The following WWOX variants were observed in gnomAD, a reference collection of about 807,000 sequenced individuals.
WWOX encodes the protein WW domain containing oxidoreductase, also known as WW domain-containing oxidoreductase.
Under a neutral mutation model 46.2 loss-of-function variants are expected in WWOX, and 69 were observed. That is an observed-to-expected ratio of 1.49 (90% CI 1.23 to 1.82). The LOEUF is 1.82. WWOX is among the 40% of genes most tolerant of loss of function. The probability of loss-of-function intolerance (pLI) is 0.00; values close to 1 mark genes in which losing one functional copy is unlikely to be tolerated. For synonymous variants in WWOX, 359 were observed against 202.6 expected (o/e 1.77, Z -6.56); for missense variants, 919 against 542.6 (o/e 1.69, Z -6.89).
intron 4 of WWOX, among the ~76,000 whole-genome samples, chr16:78,163,048 T>C (rs887365007): frequency 6.6e-6 from 1 of 152,256 alleles, no homozygotes; most frequent in Non-Finnish European, 1.5e-5. Context: ...AATCACTGTT[T>C]CTGAATAACT....
chr16:78,207,707 G>A (rs1476417394), intron 5 of WWOX, among the ~76,000 whole-genome samples: 1 of 150,288 alleles, frequency 6.7e-6, no homozygotes, highest in Non-Finnish European at 1.5e-5. Flanking sequence ...GCTGCAGTGG[G>A]CTGTGATTGT....
At chr16:79,165,559 TG>T (rs2050577064) in intron 8 of WWOX, among the ~76,000 whole-genome samples, 1 of 152,230 alleles carries the variant, frequency 6.6e-6, no homozygotes. Context: ...TTGTTTCAGC[TG>T]GGGTGCAGTT....
chr16:79,118,772 C>A (rs1399448668), intron 8 of WWOX, among the ~76,000 whole-genome samples: 1 of 152,200 alleles, frequency 6.6e-6, no homozygotes, highest in Admixed American at 6.5e-5. Context: ...ACATAGAGAT[C>A]ATTGCCATAC....
At chr16:78,486,607 C>A (rs529686598) in intron 8 of WWOX, among the ~76,000 whole-genome samples, 1 of 132,392 alleles carries the variant, frequency 7.6e-6, no homozygotes, top group South Asian at 2.2e-4. Context: ...AACAGTCTCA[C>A]TCTGTCGCCC....
At chr16:78,470,399 A>G (rs926458994) in intron 8 of WWOX, among the ~76,000 whole-genome samples, 4 of 152,132 alleles carry the variant, frequency 2.6e-5, no homozygotes, top group African/African-American at 9.7e-5. Flanking sequence ...TTTCCCCCTC[A>G]AGATCTTTGT....
intron 5 of WWOX, among the ~76,000 whole-genome samples, chr16:78,385,077 T>G (rs1275788262): frequency 6.6e-6 from 1 of 150,874 alleles, no homozygotes. Flanking sequence ...GAGGTTGCAG[T>G]GAGCCAAGAT....
At chr16:78,890,926 G>A (rs1221419209) in intron 8 of WWOX, 2 of 152,110 alleles carry the variant, frequency 1.3e-5, no homozygotes, top group Admixed American at 1.3e-4. Context: ...TCATCAGGGG[G>A]AACAAACCTG....
chr16:78,116,026 T>G (rs1849500358), intron 4 of WWOX, among the ~76,000 whole-genome samples: 1 of 152,170 alleles, frequency 6.6e-6, no homozygotes, highest in Admixed American at 6.5e-5. Flanking sequence ...TTTGTGGGTA[T>G]ATAAAGGTGT....
Position 79,146,334 on chromosome 16 carries a change from G to A in WWOX, c.1057-65274G>A, listed in dbSNP as rs142752654. ...CCAGCAGAGCCTTCTTTGATGCCCCGTCTTCAACCTGCCATGTTTTCCCAT... is the reference window on the plus strand; with the variant it reads ...CCAGCAGAGCCTTCTTTGATGCCCCATCTTCAACCTGCCATGTTTTCCCAT... On this transcript the variant is annotated intron_variant, in intron 8 of 8. Coordinates refer to ENST00000566780, the MANE Select transcript of WWOX (RefSeq NM_016373.4). 3.0e-3 allele frequency among the ~76,000 whole-genome samples: 456 copies of A among 152,146 alleles called. 4 individuals are homozygous for A. The highest frequency in any genetic ancestry group is 1.0e-2 in the African/African-American group (413 of 41,502).
At chr16:78,702,078 TTTTATA>T (rs1372486792) in intron 8 of WWOX, among the ~76,000 whole-genome samples, 3 of 110,228 alleles carry the variant, frequency 2.7e-5, no homozygotes, top group African/African-American at 1.2e-4. Flanking sequence ...ATATATAAAG[TTTTATA>T]TTTATATCTA....
intron 8 of WWOX, among the ~76,000 whole-genome samples, chr16:78,500,798 T>G (rs983556934): frequency 1.3e-5 from 2 of 152,174 alleles, no homozygotes; most frequent in Admixed American, 1.3e-4. Context: ...TTACCAAAAT[T>G]GTCATTGATC....
intron 5 of WWOX, among the ~76,000 whole-genome samples, chr16:78,276,550 A>G (rs556066317): frequency 6.6e-6 from 1 of 152,328 alleles, no homozygotes; most frequent in African/African-American, 2.4e-5. Context: ...AGCAACCTCA[A>G]ATCCTTCTGG....
intron 8 of WWOX, among the ~76,000 whole-genome samples, chr16:78,690,975 A>G (rs73569230): frequency 1.0e-3 from 159 of 152,266 alleles, no homozygotes; most frequent in African/African-American, 3.5e-3. Flanking sequence ...GCCTCAATCT[A>G]TATGTCCAAC....
chr16:78,318,786 C>A (rs2080406159), intron 5 of WWOX, among the ~76,000 whole-genome samples: 3 of 152,074 alleles, frequency 2.0e-5, no homozygotes, highest in African/African-American at 7.2e-5. Flanking sequence ...CAGAGGGGAT[C>A]CCTGTGATTT....
At chr16:78,460,214 G>GA in intron 8 of WWOX, among the ~76,000 whole-genome samples, 1 of 151,658 alleles carries the variant, frequency 6.6e-6, no homozygotes, top group South Asian at 2.1e-4. Flanking sequence ...TGCAACCTGT[G>GA]CCTCCCGGAT....
At chr16:78,198,724 C>T (rs1452181341) in intron 5 of WWOX, among the ~76,000 whole-genome samples, 1 of 152,162 alleles carries the variant, frequency 6.6e-6, no homozygotes, top group African/African-American at 2.4e-5. Flanking sequence ...GTATCACCTT[C>T]CTCCCATTAT....
At chr16:78,984,764 G>T in intron 8 of WWOX, among the ~76,000 whole-genome samples, 1 of 152,254 alleles carries the variant, frequency 6.6e-6, no homozygotes, top group East Asian at 1.9e-4. Flanking sequence ...TCCTCTTTTC[G>T]TGATTTCCTC....
chr16:78,684,471 G>C (rs1222375173), intron 8 of WWOX, among the ~76,000 whole-genome samples: 1 of 152,190 alleles, frequency 6.6e-6, no homozygotes, highest in African/African-American at 2.4e-5. Flanking sequence ...ATCAAGTCCA[G>C]AATTCCTCTC....
chr16:78,374,816 C>T (rs1429577349), intron 5 of WWOX, among the ~76,000 whole-genome samples: 2 of 152,004 alleles, frequency 1.3e-5, no homozygotes, highest in African/African-American at 4.8e-5. Flanking sequence ...TCCCAAAGTG[C>T]TAAGATTACA....
Sources: allele counts gnomAD v4.1 joint callset (sites outside exome capture counted in the v4.1 genomes callset), GRCh38; gene constraint gnomAD v4.1.1; transcripts MANE v1.5; gene names NCBI Gene and HGNC (gene_info 2026-07-23, HGNC 2026-07-21).